INSL6: variants seen among roughly 807,000 people sequenced by gnomAD.
INSL6 encodes the protein insulin like 6.
In INSL6, 16 loss-of-function variants were observed where a neutral mutation model predicts 9.4. The observed-to-expected ratio is 1.70, with a 90% CI of 1.15 to 2.59. The LOEUF (loss-of-function observed/expected upper bound fraction) is 2.59, where lower values mean the gene tolerates loss of function less well. INSL6 is among the 30% of genes most tolerant of loss of function. The pLI, the probability that INSL6 is intolerant of heterozygous loss-of-function variation, is 0.00. For missense variants in INSL6, 391 were observed against 257.3 expected (o/e 1.52, Z -3.56); for synonymous variants, 154 against 96.9 (o/e 1.59, Z -3.46).
chr9:5,172,271 G>C (rs117218304), intron 1 of INSL6, among the ~76,000 whole-genome samples: 248 of 150,490 alleles, frequency 1.6e-3, no homozygotes, highest in Non-Finnish European at 2.8e-3. Flanking sequence ...GGTGCTGGGA[G>C]AACTGGACCA....
downstream of INSL6, among the ~76,000 whole-genome samples, chr9:5,159,897 T>C (rs1036480027): frequency 6.6e-6 from 1 of 152,124 alleles, no homozygotes; most frequent in Non-Finnish European, 1.5e-5. Flanking sequence ...TGTGGCCAGG[T>C]GTGGTGGCTC....
the INSL6 span, among the ~76,000 whole-genome samples, chr9:5,107,121 A>T: frequency 1.3e-5 from 2 of 152,078 alleles, no homozygotes; most frequent in African/African-American, 4.8e-5. Context: ...TAGTATGACT[A>T]TTCTTATATG....
intron 1 of INSL6, among the ~76,000 whole-genome samples, chr9:5,179,169 G>GA (rs1294747380): frequency 2.0e-5 from 3 of 151,402 alleles, no homozygotes; most frequent in African/African-American, 7.3e-5. Context: ...AAATTTACAA[G>GA]AAAAAAACAA....
the INSL6 span, among the ~76,000 whole-genome samples, chr9:5,009,322 G>T: frequency 6.6e-6 from 1 of 152,194 alleles, no homozygotes; most frequent in Admixed American, 6.5e-5. Context: ...AAGCCGTGAA[G>T]AATATCCACA....
At chr9:5,091,198 GGT>G in the INSL6 span, 1 of 219,158 alleles carries the variant, frequency 4.6e-6, no homozygotes, top group Non-Finnish European at 8.9e-6. Context: ...AATTATTAGT[GGT>G]GCTGTGGGTT....
At chr9:5,143,419 G>T (rs2890619) in intron 2 of INSL6, among the ~76,000 whole-genome samples, 6 of 151,846 alleles carry the variant, frequency 4.0e-5, no homozygotes, top group Non-Finnish European at 8.8e-5. Context: ...GTCTAGGGAG[G>T]GGGTATGTAT....
the INSL6 span, chr9:5,085,595 C>A: frequency 2.9e-6 from 2 of 696,064 alleles, no homozygotes; most frequent in Admixed American, 2.0e-5. Flanking sequence ...CCTATAGATA[C>A]TACAGAAAGA....
At chr9:5,112,703 G>C in the INSL6 span, 13 of 866,084 alleles carry the variant, frequency 1.5e-5, no homozygotes, top group South Asian at 3.1e-5. Flanking sequence ...GGAGCAGCAA[G>C]TGCGAGAGCG....
At chr9:5,167,495 C>G (rs1825081606) in intron 1 of INSL6, among the ~76,000 whole-genome samples, 1 of 152,236 alleles carries the variant, frequency 6.6e-6, no homozygotes, top group Non-Finnish European at 1.5e-5. Context: ...GCGGCTGGGA[C>G]AGTTTGTGGC....
chr9:5,129,420 T>C, intron 3 of INSL6, among the ~76,000 whole-genome samples: 1 of 152,140 alleles, frequency 6.6e-6, no homozygotes, highest in East Asian at 1.9e-4. Flanking sequence ...CACTGTATTG[T>C]CTTTAATGAA....
At chr9:5,171,120 T>C (rs1186781511) in intron 1 of INSL6, among the ~76,000 whole-genome samples, 2 of 152,032 alleles carry the variant, frequency 1.3e-5, no homozygotes, top group African/African-American at 4.8e-5. Flanking sequence ...CAGCAGCACA[T>C]CAAAAAGCTT....
chr9:5,102,425 C>G, the INSL6 span, among the ~76,000 whole-genome samples: 18 of 152,240 alleles, frequency 1.2e-4, 1 homozygote, highest in African/African-American at 4.1e-4. Context: ...ATTGTTGTAC[C>G]TGAAAGTGAC....
chr9:5,111,673 T>A, the INSL6 span: 1 of 417,446 alleles, frequency 2.4e-6, no homozygotes, highest in Non-Finnish European at 4.7e-6. Flanking sequence ...GCAGCGGCCC[T>A]GTGGGCAGTG....
At chr9:5,062,689 A>G in the INSL6 span, among the ~76,000 whole-genome samples, 3 of 152,040 alleles carry the variant, frequency 2.0e-5, no homozygotes, top group South Asian at 2.1e-4. Flanking sequence ...GGTGTTTCCA[A>G]TGTATCTGTA....
intron 1 of INSL6, among the ~76,000 whole-genome samples, chr9:5,173,714 C>G (rs372254974): frequency 1.3e-5 from 2 of 151,416 alleles, no homozygotes; most frequent in South Asian, 4.2e-4. Flanking sequence ...CCATGGCACA[C>G]GTTTACCTAT....
intron 1 of INSL6, among the ~76,000 whole-genome samples, chr9:5,177,101 C>T (rs1046446692): frequency 6.6e-6 from 1 of 151,860 alleles, no homozygotes; most frequent in Non-Finnish European, 1.5e-5. Flanking sequence ...CACAAGATGG[C>T]CAATTAGATG....
At chr9:5,170,813 A>C (rs937315474) in intron 1 of INSL6, among the ~76,000 whole-genome samples, 5 of 152,194 alleles carry the variant, frequency 3.3e-5, no homozygotes, top group African/African-American at 1.2e-4. Flanking sequence ...CCCTGAATAG[A>C]CTAATAACAA....
chr9:5,185,523 C>A lies in INSL6; in HGVS notation c.80G>T (p.Ser27Ile). ...VRFSRELSDI[S>I]SARKLCGRYL... ...CCTGCCGCACAGCTTCCTGGCACTG[C>A]TGATGTCGCTCAGTTCACGAGAAAA... The change falls in exon 1 of 2, where the codon AGC becomes ATC. Residue 27 changes from serine to isoleucine, a missense_variant. By Grantham distance (142) the Ser-to-Ile change is moderately radical. Transcript: ENST00000381641. The A allele has an allele frequency of 6.2e-7, 1 of 1,614,198 alleles. No homozygotes were observed. The highest frequency in any genetic ancestry group is 8.5e-7 in the Non-Finnish European group (1 of 1,180,046).
the INSL6 span, among the ~76,000 whole-genome samples, chr9:5,009,176 A>T: frequency 1.3e-5 from 2 of 152,336 alleles, no homozygotes; most frequent in Middle Eastern, 3.4e-3. Context: ...GGATGAGCAA[A>T]TTGGGTGGTC....
Sources: gnomAD v4.1 joint callset for allele counts (sites outside exome capture counted in the v4.1 genomes callset) on GRCh38, gnomAD v4.1.1 for gene constraint, MANE v1.5 for transcripts, NCBI Gene and HGNC (gene_info 2026-07-23, HGNC 2026-07-21) for gene names.